ST8SIA6: variants seen among roughly 807,000 people sequenced by gnomAD.
ST8SIA6 encodes alpha-2,8-sialyltransferase 8F.
Under a neutral mutation model 33.6 loss-of-function variants are expected in ST8SIA6, and 39 were observed. The ratio of observed to expected loss-of-function variants is 1.16; its 90% CI spans 0.90 to 1.52. The LOEUF is 1.52. ST8SIA6 is among the 40% of genes most tolerant of loss of function. The pLI, the probability that ST8SIA6 is intolerant of heterozygous loss-of-function variation, is 0.00. For missense variants in ST8SIA6, 441 were observed against 443.8 expected, an observed-to-expected ratio of 0.99 and a Z score of 0.06; for synonymous variants, 172 against 167.2, an observed-to-expected ratio of 1.03 and a Z score of -0.22.
At chr10:17,423,105 A>G (rs1261788017) in intron 2 of ST8SIA6, among the ~76,000 whole-genome samples, 1 of 152,222 alleles carries the variant, frequency 6.6e-6, no homozygotes. Context: ...CTTGGTAACA[A>G]AAAATATGGA....
At position 17,359,588 on chromosome 10, in the gene ST8SIA6, G is replaced by C. The variant is rs751833032; in HGVS notation, c.303C>G (p.Asn101Lys). ...TATCTGTGATAATCTGAAGGTAGTC[G>C]TTCTCTGAATACCTAAAAATTAAAT... ...FSNKTKGYSE[N>K]DYLQIITDIQ... The change falls in exon 4 of 8, where the codon AAC (asparagine) becomes AAG (lysine). Residue 101 changes from asparagine (N) to lysine (K), a missense_variant. Asn to Lys is a moderately conservative substitution (Grantham distance 94). Transcript: ENST00000377602. 22 of 1,598,112 alleles carry C rather than the reference G, an allele frequency of 1.4e-5. 1 individual carries two copies. The African/African-American group carries it at 1.5e-4, about 11-fold the overall frequency.
chr10:17,323,576 G>T (rs1848032432), intron 6 of ST8SIA6, among the ~76,000 whole-genome samples: 1 of 151,242 alleles, frequency 6.6e-6, no homozygotes. Flanking sequence ...GTAGTGATAG[G>T]GTATCACCAT....
chr10:17,416,559 G>A (rs1035915070), intron 2 of ST8SIA6, among the ~76,000 whole-genome samples: 9 of 152,168 alleles, frequency 5.9e-5, no homozygotes, highest in Non-Finnish European at 8.8e-5. Context: ...GGATGGTAAT[G>A]AACTGCTCAA....
At chr10:17,392,404 C>G (rs1265543860) in intron 2 of ST8SIA6, among the ~76,000 whole-genome samples, 2 of 152,052 alleles carry the variant, frequency 1.3e-5, no homozygotes, top group Non-Finnish European at 2.9e-5. Context: ...GCTCACACCT[C>G]TAGTCCCAGC....
At chr10:17,328,967 C>T (rs1226097828) in intron 5 of ST8SIA6, among the ~76,000 whole-genome samples, 2 of 152,062 alleles carry the variant, frequency 1.3e-5, no homozygotes, top group African/African-American at 2.4e-5. Context: ...CAAGGCACAT[C>T]GCCCTTGTCA....
chr10:17,382,567 C>T (rs1471522343), intron 3 of ST8SIA6, among the ~76,000 whole-genome samples: 1 of 152,186 alleles, frequency 6.6e-6, no homozygotes, highest in African/African-American at 2.4e-5. Context: ...CACCTGGCCC[C>T]TGTATATGCT....
intron 4 of ST8SIA6, among the ~76,000 whole-genome samples, chr10:17,353,203 A>G (rs951530702): frequency 3.7e-4 from 53 of 143,248 alleles, no homozygotes; most frequent in Non-Finnish European, 1.4e-4. Context: ...CTCACAAAAC[A>G]CTTACCAAAG....
intron 2 of ST8SIA6, among the ~76,000 whole-genome samples, chr10:17,424,995 A>G (rs114561608): frequency 0.017 from 2,649 of 152,132 alleles, 75 homozygotes; most frequent in African/African-American, 0.06. Context: ...TCAGCCTCCC[A>G]AAATGCTGGG....
chr10:17,345,837 A>G (rs1273703884), intron 4 of ST8SIA6, among the ~76,000 whole-genome samples: 3 of 152,192 alleles, frequency 2.0e-5, no homozygotes, highest in African/African-American at 7.2e-5. Context: ...CCCACTAATC[A>G]GTTAGAAAGA....
At chr10:17,436,984 G>C (rs550045288) in intron 2 of ST8SIA6, among the ~76,000 whole-genome samples, 5 of 152,184 alleles carry the variant, frequency 3.3e-5, no homozygotes, top group African/African-American at 1.2e-4. Context: ...CTCAGTCTCG[G>C]GTACGTCTTT....
chr10:17,355,943 C>T (rs1849176228), intron 4 of ST8SIA6, among the ~76,000 whole-genome samples: 2 of 152,196 alleles, frequency 1.3e-5, no homozygotes, highest in African/African-American at 2.4e-5. Context: ...CCTTTGCAGC[C>T]ATCTTCAGAG....
At chr10:17,328,687 C>A (rs1334450342) in intron 5 of ST8SIA6, among the ~76,000 whole-genome samples, 2 of 152,192 alleles carry the variant, frequency 1.3e-5, no homozygotes, top group African/African-American at 4.8e-5. Flanking sequence ...GCACAGCTTT[C>A]AATACCCATC....
At chr10:17,344,218 A>G (rs901097736) in intron 4 of ST8SIA6, among the ~76,000 whole-genome samples, 3 of 152,264 alleles carry the variant, frequency 2.0e-5, no homozygotes, top group Non-Finnish European at 2.9e-5. Flanking sequence ...AAGCCCACAC[A>G]GTCACTGTCA....
At chr10:17,411,522 T>G (rs1000510901) in intron 2 of ST8SIA6, among the ~76,000 whole-genome samples, 11 of 152,216 alleles carry the variant, frequency 7.2e-5, no homozygotes, top group African/African-American at 2.7e-4. Flanking sequence ...GTATTAATCT[T>G]CTATCTGCTT....
At chr10:17,440,776 G>C (rs1312047815) in intron 2 of ST8SIA6, among the ~76,000 whole-genome samples, 1 of 152,066 alleles carries the variant, frequency 6.6e-6, no homozygotes, top group Non-Finnish European at 1.5e-5. Flanking sequence ...TCCATGTCAC[G>C]GTGGCATTGC....
intron 3 of ST8SIA6, among the ~76,000 whole-genome samples, chr10:17,381,355 G>A (rs1462313828): frequency 6.6e-6 from 1 of 151,868 alleles, no homozygotes; most frequent in Non-Finnish European, 1.5e-5. Flanking sequence ...AAGGGGGTGG[G>A]GTTATAAATC....
chr10:17,327,183 C>T (rs922666442), intron 5 of ST8SIA6, 57 bp from the exon 6 acceptor site: 3 of 1,327,074 alleles, frequency 2.3e-6, no homozygotes, highest in African/African-American at 1.5e-5. Context: ...GAACCATAGA[C>T]AACAGCTTAA....
At chr10:17,339,012 AATCGAAG>A in intron 4 of ST8SIA6, among the ~76,000 whole-genome samples, 1 of 152,344 alleles carries the variant, frequency 6.6e-6, no homozygotes, top group African/African-American at 2.4e-5. Context: ...ATAAGGATGA[AATCGAAG>A]ATCTGCAAAA....
intron 4 of ST8SIA6, among the ~76,000 whole-genome samples, chr10:17,356,871 T>G (rs359327): frequency 0.72 from 109,319 of 151,998 alleles, 41,126 homozygotes; most frequent in East Asian, 0.99. Flanking sequence ...CTTTCATACA[T>G]CTCTGGATTT....
Sources: allele counts gnomAD v4.1 joint callset (sites outside exome capture counted in the v4.1 genomes callset), GRCh38; gene constraint gnomAD v4.1.1; transcripts MANE v1.5; gene names NCBI Gene and HGNC (gene_info 2026-07-23, HGNC 2026-07-21).